The following PMP2 variants were observed in gnomAD, a reference collection of about 807,000 sequenced individuals.
PMP2 encodes peripheral myelin protein 2, also known as myelin P2 protein.
A neutral mutation model predicts 15.9 loss-of-function variants in PMP2; 11 were observed. That is an observed-to-expected ratio of 0.69 (90% confidence interval 0.44 to 1.14). The LOEUF is 1.14. PMP2 is among the 50% of genes most tolerant of loss of function. The pLI, the probability that PMP2 is intolerant of heterozygous loss-of-function variation, is 0.00. For synonymous variants in PMP2, 55 were observed against 54.1 expected (o/e 1.02, Z -0.07); for missense variants, 151 against 154.0 (o/e 0.98, Z 0.10).
intron 3 of PMP2, among the ~76,000 whole-genome samples, chr8:81,443,742 G>T (rs1237398317): frequency 6.6e-6 from 1 of 151,930 alleles, no homozygotes; most frequent in Non-Finnish European, 1.5e-5. Context: ...ACATATTTGC[G>T]TTACCTGGGG....
rs1013240028 is a variant in PMP2 at position 81,443,167 on chromosome 8, G to C, written c.*231C>G. The C allele has an allele frequency of 5.2e-6, 2 of 383,820 alleles. No homozygotes were observed. Among genetic ancestry groups the C allele is most frequent in the African/African-American group, 2.1e-5 (1 of 47,768 alleles). The allele number at this position is 383,820 out of a possible 1,614,324, so 23.8% of individuals were successfully genotyped here. ...AGTTAATTGAATGACATCATCAACT[G>C]TTTGTGTCTGGCCAATATATATGCT... On this transcript the variant is annotated 3_prime_UTR_variant, in exon 4 of 4. Coordinates refer to ENST00000256103, the MANE Select transcript of PMP2 (RefSeq NM_002677.5).
Position 81,447,427 on chromosome 8 carries a change from A to T in PMP2, c.-41T>A. ...CTCAACACAGTTCTAAGTGGGATTC[A>T]GAAGACTCAGATAAAATGCTGAGGC... On this transcript the variant is annotated 5_prime_UTR_variant, in exon 1 of 4. Transcript: ENST00000256103. 1 of 1,500,966 alleles carries T rather than the reference A, an allele frequency of 6.7e-7. No individual in the cohort carries two copies. 93.0% of individuals were successfully genotyped at this position (1,500,966 alleles called of 1,614,324 possible).
rs1271373437 is a variant in PMP2, at chr8:81,442,607, G to C, written c.*791C>G. 6.6e-6 allele frequency: 1 copy of C among 152,316 alleles called. No individual in the cohort carries two copies. The highest frequency in any genetic ancestry group is 1.5e-5 in the Non-Finnish European group (1 of 67,950). The allele number at this position is 152,316 out of a possible 1,614,324, so 9.4% of individuals were successfully genotyped here. On this transcript the variant is annotated 3_prime_UTR_variant, in exon 4 of 4. Transcript: ENST00000256103. ...AAAACATGATGCTGAATTTAAAAAA[G>C]GCAAACAGAAAAGAATGCATGATGT...
In PMP2 at chr8:81,443,409, C is replaced by T. The variant is rs532046874; in HGVS notation, c.388G>A (p.Glu130Lys). The T allele has an allele frequency of 4.0e-5, 64 of 1,599,778 alleles. No homozygotes were observed. Among genetic ancestry groups the T allele is most frequent in the African/African-American group, 5.4e-5 (4 of 74,304 alleles). Reference sequence around the variant, plus strand: ...GAAGAAATGATTTTTCAGACCTTCTCATAGATTCTGGTGCACACCACGCCC... The same window carrying T: ...GAAGAAATGATTTTTCAGACCTTCTTATAGATTCTGGTGCACACCACGCCC... Reference protein sequence around the residue: ...MKGVVCTRIYEKV With the variant: ...MKGVVCTRIYKKV Residue 130 changes from glutamate to lysine, a missense_variant, in exon 4 of 4, where the codon GAG becomes AAG. Glu to Lys is a moderately conservative substitution (Grantham distance 56). Transcript: ENST00000256103.
In PMP2 at chr8:81,444,930, T is replaced by C. The variant is rs765250618; in HGVS notation, c.133A>G (p.Lys45Glu). 2 of 1,614,014 alleles carry C rather than the reference T, an allele frequency of 1.2e-6. No individual in the cohort carries two copies. The highest frequency in any genetic ancestry group is 2.2e-5 in the South Asian group (2 of 91,072). The change falls in exon 2 of 4, where the codon AAG becomes GAG. Residue 45 changes from lysine to glutamate, a missense_variant. By Grantham distance (56) the Lys-to-Glu change is moderately conservative. Transcript: ENST00000256103. Reference sequence around the variant, plus strand: ...CGTATAGTTATAATATCTCCTTTCTTGCTGATGATCACAGTGGGTTTGGCC... The same window carrying C: ...CGTATAGTTATAATATCTCCTTTCTCGCTGATGATCACAGTGGGTTTGGCC... The part of the protein sequence containing the change: ...NLAKPTVIIS[K>E]KGDIITIRTE...
intron 3 of PMP2, among the ~76,000 whole-genome samples, chr8:81,443,955 A>G: frequency 6.6e-6 from 1 of 151,934 alleles, no homozygotes; most frequent in African/African-American, 2.4e-5. Context: ...AGTGAACATA[A>G]AGCCTTAACC....
Position 81,447,354 on chromosome 8 carries a change from A to G in PMP2, c.33T>C (p.Leu11=). The change falls in exon 1 of 4, where the codon CTT becomes CTC. Residue 11 remains leucine, a synonymous_variant. Coordinates refer to ENST00000256103, the MANE Select transcript of PMP2 (RefSeq NM_002677.5). ...AATCGTCAAAGTTCTCACTAGAGAC[A>G]AGTTTCCAGGTGCCCAGGAATTTGT... The part of the protein sequence containing the change: MSNKFLGTWK[L]VSSENFDDYM... 2 of 1,614,030 alleles carry G rather than the reference A, an allele frequency of 1.2e-6. 1 individual carries two copies. The highest frequency in any genetic ancestry group is 2.2e-5 in the South Asian group (2 of 91,074).
In PMP2 at chr8:81,440,411, C is replaced by T. The variant is rs1036786618; in HGVS notation, c.*2987G>A. On this transcript the variant is annotated 3_prime_UTR_variant, in exon 4 of 4. Coordinates refer to ENST00000256103, the MANE Select transcript of PMP2 (RefSeq NM_002677.5). ...TCACAAATCTCTAAAAATAACAACG[C>T]AGTTTTTAAACTCGTATTTTGTGAG... 6.6e-6 allele frequency: 1 copy of T among 152,124 alleles called. No individual in the cohort carries two copies. Among genetic ancestry groups the T allele is most frequent in the East Asian group, 1.9e-4 (1 of 5,202 alleles). 9.4% of individuals were successfully genotyped at this position (152,124 alleles called of 1,614,324 possible). A position where few individuals can be genotyped will look rare whatever the true frequency, so the allele number is the denominator to read the frequency against.
In PMP2 at chr8:81,440,769, A is replaced by G. The variant is rs542227977; in HGVS notation, c.*2629T>C. 1 of 152,334 alleles carries G rather than the reference A, an allele frequency of 6.6e-6. No homozygotes were observed. Among genetic ancestry groups the G allele is most frequent in the East Asian group, 1.9e-4 (1 of 5,188 alleles). The allele number at this position is 152,334 out of a possible 1,614,324, so 9.4% of individuals were successfully genotyped here. On this transcript the variant is annotated 3_prime_UTR_variant, in exon 4 of 4. Coordinates refer to ENST00000256103, the MANE Select transcript of PMP2 (RefSeq NM_002677.5). ...GCTCTCTTTATGTATGTTTGTGTGT[A>G]CTGTTGCACATGCAAATGCACACAA...
Position 81,444,418 on chromosome 8 carries a change from G to A in PMP2, c.348+82C>T, listed in dbSNP as rs1325693864. The A allele has an allele frequency of 1.5e-5, 13 of 856,716 alleles. No individual in the cohort carries two copies. The East Asian group carries it at 3.5e-4, about 23-fold the overall frequency. 53.1% of individuals were successfully genotyped at this position (856,716 alleles called of 1,614,324 possible). On this transcript the variant is annotated intron_variant, in intron 3 of 3. Transcript: ENST00000256103. ...CATTTTTATCCATTCATATTCCAAA[G>A]AACAAAGAATATTTTGAAAACAATA...
At chr8:81,444,622 A>G (rs1377995263) in intron 2 of PMP2, 21 bp from the exon 3 acceptor site, 6 of 1,585,242 alleles carry the variant, frequency 3.8e-6, no homozygotes, top group Non-Finnish European at 5.2e-6. Flanking sequence ...AAGGTCATGC[A>G]ATTGACTTGC....
chr8:81,443,671 G>T (rs1460514289), intron 3 of PMP2, among the ~76,000 whole-genome samples: 1 of 152,138 alleles, frequency 6.6e-6, no homozygotes, highest in Non-Finnish European at 1.5e-5. Context: ...TAAGTGGCAA[G>T]TTTTTATGTA....
chr8:81,447,359 T>C lies in PMP2; in HGVS notation c.28A>G (p.Lys10Glu). Residue 10 changes from lysine (K) to glutamate (E), a missense_variant, in exon 1 of 4, where the codon AAA becomes GAA. Coordinates refer to ENST00000256103, the MANE Select transcript of PMP2 (RefSeq NM_002677.5). The part of the protein sequence containing the change: MSNKFLGTW[K>E]LVSSENFDDY... ...TCAAAGTTCTCACTAGAGACAAGTT[T>C]CCAGGTGCCCAGGAATTTGTTGCTC... 17 of 1,614,038 alleles carry C rather than the reference T, an allele frequency of 1.1e-5. No individual in the cohort carries two copies. The highest frequency in any genetic ancestry group is 1.4e-5 in the Non-Finnish European group (17 of 1,179,900).
chr8:81,444,623 A>G (rs1807412644), intron 2 of PMP2, 22 bp from the exon 3 acceptor site: 1 of 1,582,534 alleles, frequency 6.3e-7, no homozygotes, highest in African/African-American at 1.4e-5. Context: ...AGGTCATGCA[A>G]TTGACTTGCC....
intron 1 of PMP2, 94 bp from the exon 2 acceptor site, chr8:81,445,083 GT>G: frequency 1.1e-6 from 1 of 938,150 alleles, no homozygotes; most frequent in African/African-American, 1.6e-5. Context: ...GGTGCCCCAG[GT>G]GAGTTGATGG....
In PMP2 at chr8:81,442,884, T is replaced by C. The variant is rs1807376350; in HGVS notation, c.*514A>G. 1 of 152,172 alleles carries C rather than the reference T, an allele frequency of 6.6e-6. No homozygotes were observed. The highest frequency in any genetic ancestry group is 6.5e-5 in the Admixed American group (1 of 15,282). The allele number at this position is 152,172 out of a possible 1,614,324, so 9.4% of individuals were successfully genotyped here. A position where few individuals can be genotyped will look rare whatever the true frequency, so the allele number is the denominator to read the frequency against. On this transcript the variant is annotated 3_prime_UTR_variant, in exon 4 of 4. Coordinates refer to ENST00000256103, the MANE Select transcript of PMP2 (RefSeq NM_002677.5). ...AACTGTCTATAAATTTAACTGTCTATAAATTATCCATTAATTTTAAAATGT... is the reference window on the plus strand; with the variant it reads ...AACTGTCTATAAATTTAACTGTCTACAAATTATCCATTAATTTTAAAATGT...
chr8:81,446,119 A>G (rs564085901), intron 1 of PMP2, among the ~76,000 whole-genome samples: 3 of 152,366 alleles, frequency 2.0e-5, no homozygotes, highest in Non-Finnish European at 4.4e-5. Context: ...GTTAAGAGTT[A>G]CAGCCAATAA....
chr8:81,445,221 TTTTTCTTTTTC>T (rs1164709782), intron 1 of PMP2, among the ~76,000 whole-genome samples: 1 of 152,136 alleles, frequency 6.6e-6, no homozygotes, highest in Non-Finnish European at 1.5e-5. Context: ...TTCTTTTTTT[TTTTTCTTTTTC>T]TTTTCTTTTT....
In PMP2 at chr8:81,447,411, G is replaced by A; in HGVS notation, c.-25C>T. On this transcript the variant is annotated 5_prime_UTR_variant, in exon 1 of 4. Transcript: ENST00000256103. ...TCGTGATGGGTGAGAGCTCAACACA[G>A]TTCTAAGTGGGATTCAGAAGACTCA... 6.3e-7 allele frequency: 1 copy of A among 1,582,088 alleles called. No homozygotes were observed. Among genetic ancestry groups the A allele is most frequent in the Admixed American group, 1.7e-5 (1 of 59,974 alleles).
Sources: allele counts gnomAD v4.1 joint callset (sites outside exome capture counted in the v4.1 genomes callset), GRCh38; gene constraint gnomAD v4.1.1; transcripts MANE v1.5; gene names NCBI Gene and HGNC (gene_info 2026-07-23, HGNC 2026-07-21).